Variants in SRGAP1 observed in about 807,000 individuals in gnomAD.
SRGAP1 encodes SLIT-ROBO Rho GTPase activating protein 1.
Under a neutral mutation model 121.9 loss-of-function variants are expected in SRGAP1, and 43 were observed. The ratio of observed to expected loss-of-function variants is 0.35; its 90% CI spans 0.28 to 0.46. SRGAP1 has a LOEUF of 0.46. Ranked by LOEUF, SRGAP1 falls within the 20% of genes least tolerant of loss-of-function variation. SRGAP1 has a pLI of 1.00. For missense variants in SRGAP1, 1,102 were observed against 1,350.9 expected (o/e 0.82, Z 2.89); for synonymous variants, 447 against 485.4 (o/e 0.92, Z 1.04).
chr12:64,096,414 C>G (rs1482847027), intron 14 of SRGAP1, among the ~76,000 whole-genome samples: 1 of 152,048 alleles, frequency 6.6e-6, no homozygotes, highest in Non-Finnish European at 1.5e-5. Flanking sequence ...AAGCATAAAA[C>G]TGTAAATAAA....
chr12:64,063,144 T>C lies in SRGAP1; in HGVS notation c.1023+6T>C, dbSNP rs1392059411. The C allele has an allele frequency of 6.3e-7, 1 of 1,597,356 alleles. No individual in the cohort carries two copies. Reference sequence around the variant, plus strand: ...AGTCTCACATGGGTGATGAGGTCAGTAATTGATCATTTTTAAAATAATGAA... The same window carrying C: ...AGTCTCACATGGGTGATGAGGTCAGCAATTGATCATTTTTAAAATAATGAA... On this transcript the variant is annotated splice_donor_region_variant and intron_variant, in intron 7 of 21. Transcript: ENST00000355086.
intron 4 of SRGAP1, among the ~76,000 whole-genome samples, chr12:64,035,995 A>G (rs1305709010): frequency 6.6e-6 from 1 of 152,214 alleles, no homozygotes; most frequent in African/African-American, 2.4e-5. Flanking sequence ...GCTCAGGGGC[A>G]TTAGGAAACT....
At chr12:63,877,172 C>T (rs769043288) in intron 1 of SRGAP1, among the ~76,000 whole-genome samples, 2 of 152,160 alleles carry the variant, frequency 1.3e-5, no homozygotes, top group Admixed American at 6.6e-5. Context: ...TTCAGTGAGC[C>T]GAGATTGCGC....
intron 8 of SRGAP1, among the ~76,000 whole-genome samples, chr12:64,069,099 T>C (rs1049190558): frequency 6.6e-6 from 1 of 152,048 alleles, no homozygotes; most frequent in Non-Finnish European, 1.5e-5. Flanking sequence ...GAAGAACTGA[T>C]CACACTAGAC....
intron 18 of SRGAP1, among the ~76,000 whole-genome samples, chr12:64,118,257 CTTTTTG>C (rs747114702): frequency 3.9e-5 from 6 of 152,020 alleles, no homozygotes; most frequent in African/African-American, 7.2e-5. Context: ...CAACGCTTAT[CTTTTTG>C]TTTTTGTTTT....
At chr12:64,044,674 C>CTTTTTTTTTTGTTTTTTT (rs2035090522) in intron 6 of SRGAP1, among the ~76,000 whole-genome samples, 1 of 72,118 alleles carries the variant, frequency 1.4e-5, no homozygotes, top group Non-Finnish European at 2.9e-5. Flanking sequence ...TGATGTGCCT[C>CTTTTTTTTTTGTTTTTTT]TTTTTTTTTT....
At chr12:63,986,650 T>G (rs2033423901) in intron 2 of SRGAP1, among the ~76,000 whole-genome samples, 3 of 152,218 alleles carry the variant, frequency 2.0e-5, no homozygotes, top group Admixed American at 2.0e-4. Context: ...CTTGAACTCC[T>G]GACCTCAAGT....
chr12:63,937,415 A>G (rs2031700519), intron 1 of SRGAP1, among the ~76,000 whole-genome samples: 1 of 152,226 alleles, frequency 6.6e-6, no homozygotes, highest in Admixed American at 6.5e-5. Flanking sequence ...GGAAAACCAG[A>G]AACCCCAAGA....
At chr12:63,858,837 G>C (rs1899345054) in intron 1 of SRGAP1, among the ~76,000 whole-genome samples, 1 of 152,112 alleles carries the variant, frequency 6.6e-6, no homozygotes, top group Admixed American at 6.6e-5. Context: ...CAAGTAGCTG[G>C]GTTTACGGGT....
intron 1 of SRGAP1, among the ~76,000 whole-genome samples, chr12:63,894,135 G>A (rs960182659): frequency 2.6e-5 from 4 of 152,138 alleles, no homozygotes; most frequent in Non-Finnish European, 5.9e-5. Flanking sequence ...CACTACGCCC[G>A]GTGCCTTCAT....
At chr12:63,862,404 A>G (rs1239872953) in intron 1 of SRGAP1, among the ~76,000 whole-genome samples, 4 of 152,144 alleles carry the variant, frequency 2.6e-5, no homozygotes, top group Non-Finnish European at 4.4e-5. Flanking sequence ...TTCTTAAAGC[A>G]TTAGATGTCA....
At position 63,903,911 on chromosome 12, in the gene SRGAP1, G is replaced by A. The variant is rs562348531; in HGVS notation, c.67+59028G>A. 4.6e-5 allele frequency among the ~76,000 whole-genome samples: 7 copies of A among 152,280 alleles called. No homozygotes were observed. The South Asian group carries it at 1.2e-3, about 27-fold the overall frequency. On this transcript the variant is annotated intron_variant, in intron 1 of 21. Transcript: ENST00000355086. ...GCCTCCCAAATTGCTGGGATTACAGGCATGAGCCACCACACCCAGCTCCAG... is the reference window on the plus strand; with the variant it reads ...GCCTCCCAAATTGCTGGGATTACAGACATGAGCCACCACACCCAGCTCCAG...
rs764609174 is a variant in SRGAP1, at chr12:64,078,980, A to G, written c.1187A>G (p.Tyr396Cys). ...CAAGATATGGTCACCATCGAGGACTATGATGTTTCTGAATGCTTCCAGCAC... is the reference window on the plus strand; with the variant it reads ...CAAGATATGGTCACCATCGAGGACTGTGATGTTTCTGAATGCTTCCAGCAC... ...TIQDMVTIED[Y>C]DVSECFQHSR... The change falls in exon 9 of 22, where the codon TAT (tyrosine) becomes TGT (cysteine). Residue 396 changes from tyrosine to cysteine, a missense_variant. Tyr to Cys is a radical substitution (Grantham distance 194). Coordinates refer to ENST00000355086, the MANE Select transcript of SRGAP1 (RefSeq NM_020762.4). 3.0e-5 allele frequency: 48 copies of G among 1,614,006 alleles called. No individual in the cohort carries two copies. Among genetic ancestry groups the G allele is most frequent in the African/African-American group, 9.3e-5 (7 of 74,946 alleles).
intron 3 of SRGAP1, among the ~76,000 whole-genome samples, chr12:63,993,148 A>G (rs1593013456): frequency 6.6e-6 from 1 of 152,194 alleles, no homozygotes; most frequent in Admixed American, 6.5e-5. Context: ...GCCAGAATCT[A>G]TATCTACCAA....
At chr12:64,074,078 A>G (rs1388536254) in intron 8 of SRGAP1, among the ~76,000 whole-genome samples, 1 of 152,222 alleles carries the variant, frequency 6.6e-6, no homozygotes, top group Non-Finnish European at 1.5e-5. Flanking sequence ...GAGCAAAAGA[A>G]GCTGTAGTTC....
intron 11 of SRGAP1, among the ~76,000 whole-genome samples, chr12:64,087,454 GC>G (rs1156273262): frequency 1.3e-5 from 2 of 152,068 alleles, no homozygotes; most frequent in African/African-American, 4.8e-5. Context: ...ATTAGAGCTG[GC>G]CGGGTGCAGT....
intron 6 of SRGAP1, among the ~76,000 whole-genome samples, chr12:64,056,884 T>C (rs1233032006): frequency 6.6e-6 from 1 of 152,168 alleles, no homozygotes; most frequent in Non-Finnish European, 1.5e-5. Context: ...CTGCCCTATA[T>C]AAAAGGACAA....
chr12:63,929,176 G>A (rs547569098), intron 1 of SRGAP1, among the ~76,000 whole-genome samples: 17 of 152,190 alleles, frequency 1.1e-4, no homozygotes, highest in Admixed American at 2.0e-4. Context: ...ACCTCTGGGA[G>A]AATCAGGCTA....
At chr12:64,009,571 C>A (rs2034192768) in intron 3 of SRGAP1, among the ~76,000 whole-genome samples, 1 of 152,082 alleles carries the variant, frequency 6.6e-6, no homozygotes, top group East Asian at 1.9e-4. Context: ...AACAGCCGAC[C>A]TTTTTCACCT....
Sources: allele counts gnomAD v4.1 joint callset (sites outside exome capture counted in the v4.1 genomes callset), GRCh38; gene constraint gnomAD v4.1.1; transcripts MANE v1.5; gene names NCBI Gene and HGNC (gene_info 2026-07-23, HGNC 2026-07-21).